The following TYMS variants were observed in gnomAD, a reference collection of about 807,000 sequenced individuals.
The protein encoded by TYMS is thymidylate synthase.
Under a neutral mutation model 39.3 loss-of-function variants are expected in TYMS, and 21 were observed. The ratio of observed to expected loss-of-function variants is 0.54; its 90% CI spans 0.38 to 0.77. The LOEUF (loss-of-function observed/expected upper bound fraction) is 0.77. Among genes scored for constraint, TYMS ranks in the 30% least tolerant of loss-of-function variants. TYMS has a pLI of 0.00. For missense variants in TYMS, 273 were observed against 406.7 expected (o/e 0.67, Z 2.83); for synonymous variants, 171 against 162.2 (o/e 1.05, Z -0.41).
Position 665,377 on chromosome 18 carries a change from T to C in TYMS, c.454+3057T>C, listed in dbSNP as rs979922367. The stretch of plus-strand genomic sequence containing the variant: ...ATTGGTGGTGATATCCCCTTTATCA[T>C]TTTTTATTGCGTCTATTTGATTCTT... On this transcript the variant is annotated intron_variant, in intron 3 of 6. Coordinates refer to ENST00000323274, the MANE Select transcript of TYMS (RefSeq NM_001071.4). Among the ~76,000 whole-genome samples the C allele has an allele frequency of 3.2e-4, 48 of 151,714 alleles. 1 individual carries two copies. The highest frequency in any genetic ancestry group is 1.1e-3 in the African/African-American group (47 of 41,276).
Position 669,366 on chromosome 18 carries a change from A to ATTTTTTT in TYMS, c.556+211_556+217dup, listed in dbSNP as rs68090938. 1.1e-3 allele frequency: 203 copies of ATTTTTTT among 192,236 alleles called. 6 individuals carry two copies. The highest frequency in any genetic ancestry group is 1.3e-3 in the Non-Finnish European group (140 of 104,044). 11.9% of individuals were successfully genotyped at this position (192,236 alleles called of 1,614,324 possible). A position where few individuals can be genotyped will look rare whatever the true frequency, so the allele number is the denominator to read the frequency against. The stretch of plus-strand genomic sequence containing the variant: ...CAGATCATGAGGTTGGGCCCAGAGG[A>ATTTTTTT]TTTTTTTTTTTTTTTTTTTTTTTTG... On this transcript the variant is annotated intron_variant, in intron 4 of 6. Coordinates refer to ENST00000323274, the MANE Select transcript of TYMS (RefSeq NM_001071.4).
intron 2 of TYMS, 115 bp from the exon 3 acceptor site, chr18:662,031 C>G (rs2074761177): frequency 8.6e-7 from 1 of 1,160,490 alleles, no homozygotes; most frequent in Admixed American, 2.5e-5. Flanking sequence ...CAAGTGCCCA[C>G]CTCCTAGCAA....
intron 4 of TYMS, among the ~76,000 whole-genome samples, chr18:670,036 TAG>T (rs112444526): frequency 0.027 from 3,746 of 138,500 alleles, 167 homozygotes; most frequent in African/African-American, 0.1. Flanking sequence ...GCATCTGTAA[TAG>T]AGACTTATTT....
At chr18:665,732 T>G in intron 3 of TYMS, among the ~76,000 whole-genome samples, 1 of 97,196 alleles carries the variant, frequency 1.0e-5, no homozygotes, top group Admixed American at 8.7e-5. Context: ...TCTCGTTGGT[T>G]TCAAAGAACA....
chr18:664,373 C>T (rs945492765), intron 3 of TYMS, among the ~76,000 whole-genome samples: 1 of 147,068 alleles, frequency 6.8e-6, no homozygotes, highest in African/African-American at 2.6e-5. Context: ...ATTTTATATC[C>T]TGAGACTTTG....
rs1430606121 is a variant in TYMS at position 657,781 on chromosome 18, GC to G, written c.45del (p.Ala16ProfsTer52). 2 of 1,447,606 alleles carry G rather than the reference GC, an allele frequency of 1.4e-6. No individual in the cohort carries two copies. Among genetic ancestry groups the G allele is most frequent in the South Asian group, 1.4e-5 (1 of 69,952 alleles). 89.7% of individuals were successfully genotyped at this position (1,447,606 alleles called of 1,614,324 possible). On this transcript the variant is annotated frameshift_variant, in exon 1 of 7. Coordinates refer to ENST00000323274, the MANE Select transcript of TYMS (RefSeq NM_001071.4). LOFTEE classifies it high-confidence loss of function. ...AGSELPRRPL[P>X]PAAQERDAEP... Reference sequence around the variant, plus strand: ...GCTCGGAGCTGCCGCGCCGGCCCTTGCCCCCCGCCGCACAGGAGCGGGACGC... The same window carrying G: ...GCTCGGAGCTGCCGCGCCGGCCCTTGCCCCCGCCGCACAGGAGCGGGACGC...
rs369405911 is a variant in TYMS, at chr18:666,969, T to C, written c.455-2103T>C. Among the ~76,000 whole-genome samples the C allele has an allele frequency of 1.1e-3, 16 of 13,958 alleles. 1 individual carries two copies. Among genetic ancestry groups the C allele is most frequent in the African/African-American group, 5.4e-3 (15 of 2,760 alleles). The allele number at this position is 13,958 out of a possible 152,430, so 9.2% of individuals were successfully genotyped here. On this transcript the variant is annotated intron_variant, in intron 3 of 6. Coordinates refer to ENST00000323274, the MANE Select transcript of TYMS (RefSeq NM_001071.4). Reference sequence around the variant, plus strand: ...GTGATGGTGATGGAGATGGAGATGGTGATGGAGATGGAGATGGTGATGGTG... The same window carrying C: ...GTGATGGTGATGGAGATGGAGATGGCGATGGAGATGGAGATGGTGATGGTG...
intron 3 of TYMS, among the ~76,000 whole-genome samples, chr18:664,158 G>A (rs2074784157): frequency 1.3e-5 from 2 of 151,778 alleles, no homozygotes; most frequent in Admixed American, 1.3e-4. Context: ...AGCATGGAAT[G>A]GTCTTCCATT....
intron 3 of TYMS, among the ~76,000 whole-genome samples, chr18:664,651 G>A (rs2074790495): frequency 6.9e-6 from 1 of 143,902 alleles, no homozygotes. Context: ...ATTGGCTGTG[G>A]GTTTGTCATA....
In TYMS at chr18:673,317, TTGG is replaced by T; in HGVS notation, c.*323_*325del. 4.1e-6 allele frequency: 1 copy of T among 242,124 alleles called. No homozygotes were observed. Among genetic ancestry groups the T allele is most frequent in the Non-Finnish European group, 8.0e-6 (1 of 124,804 alleles). 15.0% of individuals were successfully genotyped at this position (242,124 alleles called of 1,614,324 possible). On this transcript the variant is annotated 3_prime_UTR_variant, in exon 7 of 7. Coordinates refer to ENST00000323274, the MANE Select transcript of TYMS (RefSeq NM_001071.4). ...CAATCCCACGTACTTATAAAGAAGG[TTGG>T]TGAATTTCACAAGCTATTTTTGGAA...
At chr18:659,853 C>T (rs2074738663) in intron 2 of TYMS, 139 bp downstream of exon 2, 5 of 756,622 alleles carry the variant, frequency 6.6e-6, no homozygotes. Flanking sequence ...AGTCAGATCA[C>T]CTGAGGTTAG....
Position 658,625 on chromosome 18 carries a change from T to C in TYMS, c.205+678T>C. ...CTCGCGGGTCATTGGCGCCAGGCTT[T>C]CAGGGGACAGTGGGGCGGGGCGGGG... On this transcript the variant is annotated intron_variant, in intron 1 of 6. Coordinates refer to ENST00000323274, the MANE Select transcript of TYMS (RefSeq NM_001071.4). The surrounding 1 kb of genome is among the most constrained non-coding windows in gnomAD (Gnocchi z 4.5). 4.5e-6 allele frequency: 1 copy of C among 220,108 alleles called. No homozygotes were observed. Among genetic ancestry groups the C allele is most frequent in the Non-Finnish European group, 8.8e-6 (1 of 113,924 alleles). 13.6% of individuals were successfully genotyped at this position (220,108 alleles called of 1,614,324 possible). A position where few individuals can be genotyped will look rare whatever the true frequency, so the allele number is the denominator to read the frequency against.
In TYMS at chr18:657,841, C is replaced by T; in HGVS notation, c.99C>T (p.Tyr33=). Residue 33 remains tyrosine (Y), a synonymous_variant, in exon 1 of 7, where the codon TAC becomes TAT. Coordinates refer to ENST00000323274, the MANE Select transcript of TYMS (RefSeq NM_001071.4). ...GTCCGCCGCACGGGGAGCTGCAGTA[C>T]CTGGGGCAGATCCAACACATCCTCC... ...EPRPPHGELQ[Y]LGQIQHILRC... The T allele has an allele frequency of 6.6e-7, 1 of 1,507,142 alleles. No individual in the cohort carries two copies. The highest frequency in any genetic ancestry group is 2.5e-5 in the East Asian group (1 of 40,336). 93.4% of individuals were successfully genotyped at this position (1,507,142 alleles called of 1,614,324 possible).
chr18:659,725 CGCT>C lies in TYMS; in HGVS notation c.279+15_279+17del, dbSNP rs779719145. The C allele has an allele frequency of 1.2e-6, 2 of 1,609,880 alleles. No homozygotes were observed. The highest frequency in any genetic ancestry group is 1.1e-5 in the South Asian group (1 of 90,998). ...CTGTGGTTTATCAAGGTAAAGAAGT[CGCT>C]GCTATTAGAAGTCAGTAGTCTGTTC... is the stretch of plus-strand genomic sequence containing the variant. On this transcript the variant is annotated intron_variant, in intron 2 of 6. Coordinates refer to ENST00000323274, the MANE Select transcript of TYMS (RefSeq NM_001071.4).
chr18:667,263 AGATGGTGATGGTGATGGGATGGT>A (rs1405951124), intron 3 of TYMS, among the ~76,000 whole-genome samples: 1 of 11,740 alleles, frequency 8.5e-5, no homozygotes, highest in Admixed American at 6.2e-4. Context: ...ATGGTGATGG[AGATGGTGATGGTGATGGGATGGT>A]GATGGAGATG....
At chr18:666,903 AGATGGTGATGGT>A (rs753248760) in intron 3 of TYMS, among the ~76,000 whole-genome samples, 20,568 of 60,698 alleles carry the variant, frequency 0.34, 5,088 homozygotes, top group South Asian at 0.42. Flanking sequence ...ATGGTGATGG[AGATGGTGATGGT>A]GATGGAGATG....
intron 3 of TYMS, among the ~76,000 whole-genome samples, chr18:668,025 T>C (rs2074891166): frequency 1.5e-5 from 2 of 132,266 alleles, no homozygotes; most frequent in African/African-American, 2.9e-5. Context: ...GCACAGAAAG[T>C]TTCCCTGGAC....
intron 2 of TYMS, 48 bp downstream of exon 2, chr18:659,762 G>A (rs537416157): frequency 4.0e-6 from 6 of 1,498,278 alleles, no homozygotes; most frequent in Non-Finnish European, 4.7e-6. Context: ...TCTCAACACA[G>A]CAGCCAGTGA....
rs745758443 is a variant in TYMS at position 673,497 on chromosome 18, G to A, written c.*500G>A. The A allele has an allele frequency of 2.5e-5, 5 of 203,650 alleles. No homozygotes were observed. Among genetic ancestry groups the A allele is most frequent in the South Asian group, 1.9e-4 (1 of 5,278 alleles). The allele number at this position is 203,650 out of a possible 1,614,324, so 12.6% of individuals were successfully genotyped here. A position where few individuals can be genotyped will look rare whatever the true frequency, so the allele number is the denominator to read the frequency against. On this transcript the variant is annotated 3_prime_UTR_variant, in exon 7 of 7. Coordinates refer to ENST00000323274, the MANE Select transcript of TYMS (RefSeq NM_001071.4). ...TATAATAAAGAAGTGTTCTGCATTC[G>A]TCCACGCTTTGTTCATTCTGTACTG...
Sources: allele counts gnomAD v4.1 joint callset (sites outside exome capture counted in the v4.1 genomes callset), GRCh38; gene constraint gnomAD v4.1.1; non-coding constraint Gnocchi (gnomAD v3.1); transcripts MANE v1.5; gene names NCBI Gene and HGNC (gene_info 2026-07-23, HGNC 2026-07-21).